The following PPID variants were observed in gnomAD, a reference collection of about 807,000 sequenced individuals.
PPID encodes peptidylprolyl isomerase D.
A neutral mutation model predicts 48.1 loss-of-function variants in PPID; 47 were observed. The observed-to-expected ratio is 0.98, with a 90% CI of 0.77 to 1.25. The LOEUF is 1.25. PPID is among the 50% of genes most tolerant of loss of function. The probability of loss-of-function intolerance (pLI) is 0.00; values close to 1 mark genes in which losing one functional copy is unlikely to be tolerated. For missense variants in PPID, 429 were observed against 443.5 expected, an observed-to-expected ratio of 0.97 and a Z score of 0.29; for synonymous variants, 163 against 148.8, an observed-to-expected ratio of 1.10 and a Z score of -0.69.
At chr4:158,715,479 C>T (rs1187938841) in intron 5 of PPID, 76 bp from the exon 6 acceptor site, 1 of 1,551,344 alleles carries the variant, frequency 6.4e-7, no homozygotes, top group African/African-American at 1.4e-5. Context: ...ATATGAGAGA[C>T]TGAAACAAAA....
At position 158,713,132 on chromosome 4, in the gene PPID, T is replaced by A; in HGVS notation, c.881A>T (p.Asp294Val). Residue 294 changes from aspartate (D) to valine (V), a missense_variant, in exon 7 of 10, where the codon GAC (aspartate) becomes GTC (valine). By Grantham distance (152) the Asp-to-Val change is radical. Transcript: ENST00000307720. ...AAACAGACTTACCTCTAAACAACTG[T>A]CAATTGCTCCCTGCCAATTTGACAT... is the stretch of plus-strand genomic sequence containing the variant. ...LKMSNWQGAI[D>V]SCLEALELDP... is the part of the protein sequence containing the mutation. The A allele has an allele frequency of 1.2e-6, 2 of 1,614,104 alleles. No individual in the cohort carries two copies. The highest frequency in any genetic ancestry group is 1.3e-5 in the African/African-American group (1 of 75,070).
Position 158,710,480 on chromosome 4 carries a change from T to C in PPID, c.1024+148A>G, listed in dbSNP as rs926951391. Reference sequence around the variant, plus strand: ...GCAGGGACTTTGACTGTCTTGTTCATTGCTATATGATAATGCCTGGCCCAA... The same window carrying C: ...GCAGGGACTTTGACTGTCTTGTTCACTGCTATATGATAATGCCTGGCCCAA... On this transcript the variant is annotated intron_variant, in intron 9 of 9. Transcript: ENST00000307720. 1.4e-5 allele frequency: 11 copies of C among 779,896 alleles called. No individual in the cohort carries two copies. The Admixed American group carries it at 2.0e-4, about 14-fold the overall frequency. 48.3% of individuals were successfully genotyped at this position (779,896 alleles called of 1,614,324 possible). A position where few individuals can be genotyped will look rare whatever the true frequency, so the allele number is the denominator to read the frequency against.
intron 1 of PPID, among the ~76,000 whole-genome samples, chr4:158,722,972 CG>C (rs1774987773): frequency 6.6e-6 from 1 of 152,232 alleles, no homozygotes; most frequent in South Asian, 2.1e-4. Flanking sequence ...CCACAATTCC[CG>C]AACTAGAAAT....
Position 158,721,384 on chromosome 4 carries a change from G to C in PPID, c.185C>G (p.Thr62Ser), listed in dbSNP as rs1286247910. 6.2e-7 allele frequency: 1 copy of C among 1,614,014 alleles called. No homozygotes were observed. The highest frequency in any genetic ancestry group is 8.5e-7 in the Non-Finnish European group (1 of 1,179,994). Residue 62 changes from threonine (T) to serine (S), a missense_variant, in exon 2 of 10, where the codon ACT becomes AGT. Thr to Ser is a moderately conservative substitution (Grantham distance 58). Coordinates refer to ENST00000307720, the MANE Select transcript of PPID (RefSeq NM_005038.3). ...TCCTTTGAAATGGAGAGGTTTCCCAGTCGTGTGTCCAATGCCTTTTTCTCC... is the reference window on the plus strand; with the variant it reads ...TCCTTTGAAATGGAGAGGTTTCCCACTCGTGTGTCCAATGCCTTTTTCTCC... ...CTGEKGIGHT[T>S]GKPLHFKGCP...
At chr4:158,710,283 C>A in intron 9 of PPID, 1 of 393,744 alleles carries the variant, frequency 2.5e-6, no homozygotes, top group Non-Finnish European at 4.6e-6. Flanking sequence ...CTGTGTCTTA[C>A]AATGCTGAGC....
rs17843956 is a variant in PPID, at chr4:158,710,648, C to T, written c.1004G>A (p.Gly335Glu). The stretch of plus-strand genomic sequence containing the variant: ...CTTACCTTTATCTTCTGGTGCTATC[C>T]CCTGAGCTTTCTTAAGATCAGCCTT... ...QALADLKKAQ[G>E]IAPEDKAIQA... Residue 335 changes from glycine to glutamate, a missense_variant, in exon 9 of 10, where the codon GGG becomes GAG. By Grantham distance (98) the Gly-to-Glu change is moderately conservative (BLOSUM62 -2). Transcript: ENST00000307720. 3.1e-3 allele frequency: 4,944 copies of T among 1,613,820 alleles called. 90 individuals are homozygous for T. In the African/African-American group the frequency reaches 0.048, roughly 16 times the overall value.
intron 6 of PPID, among the ~76,000 whole-genome samples, chr4:158,714,012 G>C (rs1288983655): frequency 6.6e-6 from 1 of 151,812 alleles, no homozygotes. Context: ...AGGAGGCCTT[G>C]TTTCTATAAA....
rs750826030 is a variant in PPID, at chr4:158,715,520, T to A, written c.645+42A>T. On this transcript the variant is annotated intron_variant, in intron 5 of 9. Coordinates refer to ENST00000307720, the MANE Select transcript of PPID (RefSeq NM_005038.3). ...AACTTTTAGTACTAAATATTTTCAC[T>A]TACTAAATTAATTAAAGTTTGACTA... 3.1e-6 allele frequency: 5 copies of A among 1,599,348 alleles called. No homozygotes were observed. In the South Asian group the frequency reaches 5.5e-5, roughly 18 times the overall value.
At chr4:158,716,391 T>G (rs1253702574) in intron 4 of PPID, among the ~76,000 whole-genome samples, 1 of 152,128 alleles carries the variant, frequency 6.6e-6, no homozygotes, top group African/African-American at 2.4e-5. Context: ...AGACAAGATT[T>G]TGGGCTTATT....
intron 2 of PPID, 112 bp downstream of exon 2, chr4:158,721,231 G>A (rs963153115): frequency 5.5e-6 from 7 of 1,270,248 alleles, no homozygotes; most frequent in South Asian, 4.2e-5. Flanking sequence ...AGACATGGAC[G>A]CTAATAGTAC....
At chr4:158,718,837 T>C (rs1039320522) in intron 3 of PPID, among the ~76,000 whole-genome samples, 1 of 152,210 alleles carries the variant, frequency 6.6e-6, no homozygotes, top group Non-Finnish European at 1.5e-5. Flanking sequence ...GATGGTTTTG[T>C]TGCTCTTCAA....
At chr4:158,717,539 G>A (rs1294295608) in intron 3 of PPID, among the ~76,000 whole-genome samples, 2 of 152,066 alleles carry the variant, frequency 1.3e-5, no homozygotes, top group Non-Finnish European at 2.9e-5. Context: ...TTAAAATGAA[G>A]ATGCAGCATT....
chr4:158,722,445 G>C (rs1433189447), intron 1 of PPID, among the ~76,000 whole-genome samples: 1 of 152,248 alleles, frequency 6.6e-6, no homozygotes, highest in Non-Finnish European at 1.5e-5. Context: ...AGACAGGTGA[G>C]ATTAAACCTA....
Position 158,721,451 on chromosome 4 carries a change from T to G in PPID, c.118A>C (p.Ile40Leu). The change falls in exon 2 of 10, where the codon ATC (isoleucine) becomes CTC (leucine). Residue 40 changes from isoleucine to leucine, a missense_variant. Ile to Leu is a conservative substitution (Grantham distance 5). Transcript: ENST00000307720. ...AAATTTTCCGCAGTTTTGGGTACGA[T>G]ATCTGCAAACAATTCTAAGACAATT... ...GRIVLELFADIVPKTAENFRA... is the reference protein window; with the variant it reads ...GRIVLELFADLVPKTAENFRA... The G allele has an allele frequency of 1.9e-6, 3 of 1,614,160 alleles. No individual in the cohort carries two copies. The highest frequency in any genetic ancestry group is 2.5e-6 in the Non-Finnish European group (3 of 1,179,982).
chr4:158,710,143 A>G, intron 9 of PPID: 1 of 358,948 alleles, frequency 2.8e-6, no homozygotes, highest in Non-Finnish European at 5.0e-6. Context: ...GTCACTATTC[A>G]TAGTTGGTTT....
At chr4:158,712,134 A>G (rs1774799267) in intron 7 of PPID, among the ~76,000 whole-genome samples, 1 of 152,226 alleles carries the variant, frequency 6.6e-6, no homozygotes, top group Non-Finnish European at 1.5e-5. Context: ...AATATGTAAA[A>G]TTCTTAAAGT....
At position 158,709,798 on chromosome 4, in the gene PPID, T is replaced by A; in HGVS notation, c.1051A>T (p.Lys351Ter). 1 of 1,611,574 alleles carries A rather than the reference T, an allele frequency of 6.2e-7. No individual in the cohort carries two copies. Among genetic ancestry groups the A allele is most frequent in the Non-Finnish European group, 8.5e-7 (1 of 1,178,526 alleles). The change falls in exon 10 of 10, where the codon AAA (lysine) becomes TAA (stop). Residue 351 changes from lysine (K) to a stop codon, truncating the protein, a stop_gained. Transcript: ENST00000307720. LOFTEE classifies it high-confidence loss of function. ...KAIQAELLKV[K>*]QKIKAQKDKE... ...TCTTTCTGTGCCTTTATCTTTTGTT[T>A]GACTTTCAGCAATTCTGCCTGGATA...
chr4:158,715,365 G>GT lies in PPID; in HGVS notation c.683dup (p.Asn228LysfsTer17). 2 of 1,539,132 alleles carry GT rather than the reference G, an allele frequency of 1.3e-6. No homozygotes were observed. The highest frequency in any genetic ancestry group is 1.4e-5 in the African/African-American group (1 of 71,822). The stretch of plus-strand genomic sequence containing the variant: ...GGGATTTGAAAAAAGTATTTCCAAT[G>GT]TTTTTTAAGTCTTCTGTTATTAATA... On this transcript the variant is annotated frameshift_variant, in exon 6 of 10. Coordinates refer to ENST00000307720, the MANE Select transcript of PPID (RefSeq NM_005038.3). LOFTEE classifies it high-confidence loss of function.
intron 2 of PPID, among the ~76,000 whole-genome samples, chr4:158,720,106 A>G (rs372329714): frequency 1.3e-5 from 2 of 152,338 alleles, no homozygotes; most frequent in Middle Eastern, 3.4e-3. Context: ...CCTAGCATGT[A>G]CCAAAATTCC....
Sources: gnomAD v4.1 joint callset for allele counts (sites outside exome capture counted in the v4.1 genomes callset) on GRCh38, gnomAD v4.1.1 for gene constraint, MANE v1.5 for transcripts, NCBI Gene and HGNC (gene_info 2026-07-23, HGNC 2026-07-21) for gene names.